CES5A: variants seen among roughly 807,000 people sequenced by gnomAD.
CES5A encodes carboxylesterase 5.
A neutral mutation model predicts 62.9 loss-of-function variants in CES5A; 67 were observed. The ratio of observed to expected loss-of-function variants is 1.07; its 90% CI spans 0.88 to 1.31. The LOEUF is 1.31. Among genes scored for constraint, CES5A ranks in the 50% most tolerant of loss-of-function variants. The pLI is 0.00. For missense variants in CES5A, 748 were observed against 708.5 expected (o/e 1.06, Z -0.63); for synonymous variants, 296 against 280.8 (o/e 1.05, Z -0.54).
chr16:55,934,677 TGC>T (rs72541721), intron 2 of CES5A, among the ~76,000 whole-genome samples: 41,868 of 149,158 alleles, frequency 0.28, 6,026 homozygotes, highest in Non-Finnish European at 0.33. Context: ...TGTGTGTGTG[TGC>T]GCGTGTGCAT....
chr16:55,913,808 CATTT>C (rs1380707420), intron 1 of CES5A, among the ~76,000 whole-genome samples: 11 of 152,200 alleles, frequency 7.2e-5, no homozygotes, highest in Admixed American at 5.9e-4. Flanking sequence ...TTTAGTCATT[CATTT>C]ATTTAACAAA....
At chr16:55,897,769 C>T (rs530715018) in intron 1 of CES5A, among the ~76,000 whole-genome samples, 6 of 152,284 alleles carry the variant, frequency 3.9e-5, no homozygotes, top group African/African-American at 1.2e-4. Flanking sequence ...ATCCATAACA[C>T]ATTATTTGTA....
intron 1 of CES5A, among the ~76,000 whole-genome samples, chr16:55,893,544 A>T (rs2033902048): frequency 6.6e-6 from 1 of 152,206 alleles, no homozygotes; most frequent in Non-Finnish European, 1.5e-5. Flanking sequence ...CAAGAAACCA[A>T]ATAAAAATTC....
At chr16:55,877,153 C>T (rs906269269), upstream of CES5A, among the ~76,000 whole-genome samples, 2 of 152,170 alleles carry the variant, frequency 1.3e-5, no homozygotes, top group Non-Finnish European at 2.9e-5. Flanking sequence ...TCTGCCCTCC[C>T]ACTCATGTGG....
At chr16:55,886,860 C>CCATGATTACATAGGATGTAATCA (rs551337394) in intron 1 of CES5A, among the ~76,000 whole-genome samples, 2 of 151,990 alleles carry the variant, frequency 1.3e-5, no homozygotes, top group African/African-American at 4.8e-5. Flanking sequence ...CTATGTAATC[C>CCATGATTACATAGGATGTAATCA]CATGATTACA....
chr16:55,904,066 C>G (rs1288422804), intron 1 of CES5A, among the ~76,000 whole-genome samples: 1 of 152,192 alleles, frequency 6.6e-6, no homozygotes, highest in Non-Finnish European at 1.5e-5. Flanking sequence ...TTTAACAACA[C>G]AGCCCCTGCT....
At chr16:55,853,796 T>A (rs569272345) in intron 9 of CES5A, among the ~76,000 whole-genome samples, 1 of 151,992 alleles carries the variant, frequency 6.6e-6, no homozygotes, top group Non-Finnish European at 1.5e-5. Flanking sequence ...TGGCAGAGAG[T>A]GCATGGTAAA....
intron 9 of CES5A, among the ~76,000 whole-genome samples, chr16:55,855,517 T>C (rs2033222651): frequency 6.6e-6 from 1 of 152,164 alleles, no homozygotes; most frequent in Non-Finnish European, 1.5e-5. Context: ...AGATCCCCAG[T>C]CCCATGTGTG....
At position 55,873,827 on chromosome 16, in the gene CES5A, T is replaced by C. The variant is rs2033643278; in HGVS notation, c.278+6A>G. 2 of 1,610,072 alleles carry C rather than the reference T, an allele frequency of 1.2e-6. No individual in the cohort carries two copies. The highest frequency in any genetic ancestry group is 3.3e-5 in the Admixed American group (2 of 59,914). ...AAACCACCCGTGGGCCCGAACCTGG[T>C]CTTACAAATTAGGGTAGGAGGTGGC... On this transcript the variant is annotated splice_donor_region_variant and intron_variant, in intron 2 of 12. Coordinates refer to ENST00000290567, the MANE Select transcript of CES5A (RefSeq NM_001143685.2).
chr16:55,901,624 G>A (rs370448945), intron 1 of CES5A, among the ~76,000 whole-genome samples: 71 of 152,164 alleles, frequency 4.7e-4, no homozygotes, highest in African/African-American at 9.2e-4. Flanking sequence ...TCTATTTATC[G>A]AGGGCGGCAT....
intron 1 of CES5A, among the ~76,000 whole-genome samples, chr16:55,910,620 CTA>C (rs2034083548): frequency 6.6e-6 from 1 of 152,228 alleles, no homozygotes; most frequent in Non-Finnish European, 1.5e-5. Flanking sequence ...TGAATAAAAC[CTA>C]AACCTTCCAT....
chr16:55,869,346 C>T (rs540942004), intron 4 of CES5A: 150 of 406,494 alleles, frequency 3.7e-4, no homozygotes, highest in African/African-American at 2.8e-3. Context: ...GAGCCAGATC[C>T]CTGGTTGACC....
At chr16:55,899,226 T>C (rs977986090) in intron 1 of CES5A, among the ~76,000 whole-genome samples, 2 of 152,104 alleles carry the variant, frequency 1.3e-5, no homozygotes, top group South Asian at 4.1e-4. Context: ...GCAGCTCTGA[T>C]TGGTAGCACA....
At chr16:55,859,439 C>T in intron 8 of CES5A, 108 bp downstream of exon 8, 1 of 1,105,572 alleles carries the variant, frequency 9.0e-7, no homozygotes. Flanking sequence ...GGCTGGTGGG[C>T]TCCAGCACTT....
intron 2 of CES5A, 102 bp from the exon 3 acceptor site, chr16:55,871,865 GC>G: frequency 7.9e-7 from 1 of 1,268,690 alleles, no homozygotes; most frequent in Non-Finnish European, 1.1e-6. Context: ...CGTCTCCTCT[GC>G]CTGAGCAGAA....
chr16:55,951,885 T>C (rs1225903361), intron 1 of CES5A, among the ~76,000 whole-genome samples: 1 of 152,094 alleles, frequency 6.6e-6, no homozygotes, highest in East Asian at 1.9e-4. Context: ...AATCACCCAA[T>C]CAAATAGCTG....
chr16:55,925,468 C>G (rs1402967363), upstream of CES5A: 1 of 151,940 alleles, frequency 6.6e-6, no homozygotes, highest in East Asian at 1.9e-4. Context: ...CCTCAGAAAA[C>G]TAAAAATAGA....
At chr16:55,948,588 T>C (rs2034521997) in intron 2 of CES5A, among the ~76,000 whole-genome samples, 1 of 152,198 alleles carries the variant, frequency 6.6e-6, no homozygotes, top group African/African-American at 2.4e-5. Context: ...TGTAGCTATC[T>C]ATTTATGAAC....
At chr16:55,927,803 TTAAAAAGTTACC>T (rs1255335427), upstream of CES5A, among the ~76,000 whole-genome samples, 1 of 152,166 alleles carries the variant, frequency 6.6e-6, no homozygotes, top group East Asian at 1.9e-4. Context: ...TTACTATATT[TTAAAAAGTTACC>T]TGCATTCATA....
Sources: allele counts gnomAD v4.1 joint callset (sites outside exome capture counted in the v4.1 genomes callset), GRCh38; gene constraint gnomAD v4.1.1; transcripts MANE v1.5; gene names NCBI Gene and HGNC (gene_info 2026-07-23, HGNC 2026-07-21).